The following STARD13 variants were observed in gnomAD, a reference collection of about 807,000 sequenced individuals.
The protein encoded by STARD13 is StAR related lipid transfer domain containing 13, also known as stAR-related lipid transfer protein 13.
In STARD13, 62 loss-of-function variants were observed where a neutral mutation model predicts 106.4. The ratio of observed to expected loss-of-function variants is 0.58; its 90% confidence interval spans 0.48 to 0.72. STARD13 has a LOEUF of 0.72. STARD13 is among the 30% of genes least tolerant of loss of function. STARD13 has a pLI of 0.00. For synonymous variants in STARD13, 565 were observed against 553.0 expected (o/e 1.02, Z -0.31); for missense variants, 1,387 against 1,424.0 (o/e 0.97, Z 0.42).
chr13:33,186,079 G>C, intron 1 of STARD13: 2 of 1,598,300 alleles, frequency 1.3e-6, no homozygotes, highest in Non-Finnish European at 1.7e-6. Context: ...TCATGTTTCC[G>C]GTTGCTAACA....
chr13:33,205,634 G>A (rs1218546459), intron 1 of STARD13, among the ~76,000 whole-genome samples: 1 of 152,210 alleles, frequency 6.6e-6, no homozygotes, highest in African/African-American at 2.4e-5. Context: ...TCTAGAGTGA[G>A]TAGCCAAAAT....
chr13:33,620,281 T>G, the STARD13 span, among the ~76,000 whole-genome samples: 9 of 149,048 alleles, frequency 6.0e-5, no homozygotes, highest in Non-Finnish European at 1.0e-4. Flanking sequence ...TTCTTTTTCT[T>G]TTTTCTTTTT....
At chr13:33,486,752 G>T in the STARD13 span, among the ~76,000 whole-genome samples, 1 of 152,072 alleles carries the variant, frequency 6.6e-6, no homozygotes, top group Non-Finnish European at 1.5e-5. Flanking sequence ...ACAAGCTCTT[G>T]CACTTGAACA....
chr13:33,395,062 T>C, the STARD13 span, among the ~76,000 whole-genome samples: 1 of 152,210 alleles, frequency 6.6e-6, no homozygotes, highest in African/African-American at 2.4e-5. Context: ...TGGAGTGACG[T>C]GGCTGGATTA....
chr13:33,524,427 G>T, the STARD13 span: 2 of 211,012 alleles, frequency 9.5e-6, no homozygotes, highest in Non-Finnish European at 1.8e-5. Context: ...CTATCCTTAG[G>T]CAATAGTTCA....
At chr13:33,533,562 C>CTT in the STARD13 span, among the ~76,000 whole-genome samples, 1 of 148,954 alleles carries the variant, frequency 6.7e-6, no homozygotes. Context: ...AAACAAAGCT[C>CTT]TTTTTTTTTT....
chr13:33,149,384 T>G (rs1880971020), intron 3 of STARD13, among the ~76,000 whole-genome samples: 2 of 152,210 alleles, frequency 1.3e-5, no homozygotes, highest in South Asian at 4.1e-4. Flanking sequence ...ACAAAGTCAA[T>G]TTTTAAAAAT....
the STARD13 span, among the ~76,000 whole-genome samples, chr13:33,504,229 AT>A: frequency 6.6e-6 from 1 of 152,122 alleles, no homozygotes; most frequent in Non-Finnish European, 1.5e-5. Flanking sequence ...TAGAAATAAC[AT>A]TTGACCCAGC....
chr13:33,674,858 G>A, the STARD13 span, among the ~76,000 whole-genome samples: 9 of 152,078 alleles, frequency 5.9e-5, no homozygotes, highest in East Asian at 1.9e-4. Flanking sequence ...CTCTGATGTC[G>A]TGTCTGGTTA....
Position 33,129,882 on chromosome 13 carries a change from T to A in STARD13, c.795A>T (p.Thr265=). The change falls in exon 5 of 14, where the codon ACA becomes ACT. Residue 265 remains threonine (T), a synonymous_variant. Coordinates refer to ENST00000336934, the MANE Select transcript of STARD13 (RefSeq NM_178006.4). ...RAKSFLKRME[T]LRGKGAHGRH... ...TCCCGTGGGCTCCCTTCCCTCGGAG[T>A]GTTTCCATGCGTTTCAAAAATGATT... 6.2e-7 allele frequency: 1 copy of A among 1,612,854 alleles called. No individual in the cohort carries two copies. Among genetic ancestry groups the A allele is most frequent in the Non-Finnish European group, 8.5e-7 (1 of 1,179,974 alleles).
At chr13:33,189,440 AAGGAGGG>A (rs1452990940) in intron 1 of STARD13, among the ~76,000 whole-genome samples, 1 of 120,360 alleles carries the variant, frequency 8.3e-6, no homozygotes, top group Admixed American at 8.0e-5. Flanking sequence ...CTTTCGGAGG[AAGGAGGG>A]AAAGCAGGAG....
At chr13:33,435,347 A>G in the STARD13 span, among the ~76,000 whole-genome samples, 1 of 152,224 alleles carries the variant, frequency 6.6e-6, no homozygotes, top group Non-Finnish European at 1.5e-5. Context: ...AGTACTCAGA[A>G]TAACTTTCAA....
chr13:33,456,284 G>A, the STARD13 span, among the ~76,000 whole-genome samples: 2 of 152,044 alleles, frequency 1.3e-5, no homozygotes, highest in Non-Finnish European at 2.9e-5. Context: ...CTGTCTCCCG[G>A]GTTCAAGCAA....
chr13:33,594,327 T>C, the STARD13 span, among the ~76,000 whole-genome samples: 36 of 152,122 alleles, frequency 2.4e-4, no homozygotes, highest in South Asian at 8.3e-4. Flanking sequence ...TCAGAGGTCT[T>C]GTTCAGAGGA....
chr13:33,386,188 A>C, the STARD13 span, among the ~76,000 whole-genome samples: 1 of 152,236 alleles, frequency 6.6e-6, no homozygotes, highest in Non-Finnish European at 1.5e-5. Flanking sequence ...GCTAATTAAA[A>C]GTAACCTGGT....
chr13:33,337,988 G>A (rs1345158134), intron 1 of STARD13, among the ~76,000 whole-genome samples: 1 of 152,236 alleles, frequency 6.6e-6, no homozygotes, highest in South Asian at 2.1e-4. Flanking sequence ...CTGCCGGGGT[G>A]TAGTGCAAAG....
At chr13:33,590,367 A>T in the STARD13 span, among the ~76,000 whole-genome samples, 1 of 152,156 alleles carries the variant, frequency 6.6e-6, no homozygotes, top group African/African-American at 2.4e-5. Flanking sequence ...CCCAAGGATT[A>T]TAAATCATGC....
chr13:33,137,968 G>A (rs2138210165), intron 4 of STARD13, among the ~76,000 whole-genome samples: 1 of 152,340 alleles, frequency 6.6e-6, no homozygotes, highest in African/African-American at 2.4e-5. Context: ...CAGCTGCAGT[G>A]CCTCTGAAAT....
At chr13:33,449,668 A>T in the STARD13 span, among the ~76,000 whole-genome samples, 1 of 152,190 alleles carries the variant, frequency 6.6e-6, no homozygotes. Context: ...TAGCAATTGC[A>T]TTGAAACTGT....
Sources: gnomAD v4.1 joint callset for allele counts (sites outside exome capture counted in the v4.1 genomes callset) on GRCh38, gnomAD v4.1.1 for gene constraint, MANE v1.5 for transcripts, NCBI Gene and HGNC (gene_info 2026-07-23, HGNC 2026-07-21) for gene names.